The following UNC5D variants were observed in gnomAD, a reference collection of about 807,000 sequenced individuals.
The protein encoded by UNC5D is netrin receptor UNC5D.
In UNC5D, 39 loss-of-function variants were observed where a neutral mutation model predicts 105.4. That is an observed-to-expected ratio of 0.37 (90% CI 0.29 to 0.48). The LOEUF is 0.48. Ranked by LOEUF, UNC5D falls within the 20% of genes least tolerant of loss-of-function variation. The pLI, the probability that UNC5D is intolerant of heterozygous loss-of-function variation, is 0.98. For synonymous variants in UNC5D, 452 were observed against 450.4 expected (o/e 1.00, Z -0.04); for missense variants, 991 against 1,202.4 (o/e 0.82, Z 2.60).
At chr8:35,668,510 C>T (rs538239014) in intron 4 of UNC5D, among the ~76,000 whole-genome samples, 1 of 152,088 alleles carries the variant, frequency 6.6e-6, no homozygotes, top group South Asian at 2.1e-4. Context: ...GCAGTAAATC[C>T]TTCCTCATCC....
intron 1 of UNC5D, among the ~76,000 whole-genome samples, chr8:35,312,584 A>T (rs1312214955): frequency 1.3e-5 from 2 of 152,196 alleles, no homozygotes. Flanking sequence ...GGCAGTAAGG[A>T]TGGGCTTGTC....
At chr8:35,278,658 G>C (rs1238505325) in intron 1 of UNC5D, among the ~76,000 whole-genome samples, 1 of 151,898 alleles carries the variant, frequency 6.6e-6, no homozygotes, top group Non-Finnish European at 1.5e-5. Context: ...AGTATACATG[G>C]TGGAAGAGTA....
At chr8:35,601,582 A>G (rs1347692389) in intron 4 of UNC5D, among the ~76,000 whole-genome samples, 2 of 152,176 alleles carry the variant, frequency 1.3e-5, no homozygotes, top group Admixed American at 1.3e-4. Flanking sequence ...GAGTTCACTC[A>G]TGATTTGGCT....
chr8:35,507,820 T>C (rs1352689948), intron 1 of UNC5D, among the ~76,000 whole-genome samples: 1 of 152,200 alleles, frequency 6.6e-6, no homozygotes, highest in Non-Finnish European at 1.5e-5. Context: ...CCATTTTCTA[T>C]GATGTGATTA....
intron 3 of UNC5D, among the ~76,000 whole-genome samples, chr8:35,592,401 C>T (rs1310324659): frequency 1.3e-5 from 2 of 152,020 alleles, no homozygotes; most frequent in African/African-American, 4.8e-5. Flanking sequence ...AGGATGTTTT[C>T]CCTACTATTA....
At chr8:35,326,676 G>A (rs1031364579) in intron 1 of UNC5D, among the ~76,000 whole-genome samples, 5 of 152,124 alleles carry the variant, frequency 3.3e-5, no homozygotes, top group Admixed American at 2.6e-4. Context: ...TCACTCACAT[G>A]AGCCTAGGAG....
chr8:35,595,335 T>C (rs1160585648), intron 3 of UNC5D, among the ~76,000 whole-genome samples: 2 of 152,166 alleles, frequency 1.3e-5, no homozygotes, highest in Admixed American at 6.5e-5. Context: ...TTCACATCAA[T>C]ATAGGACATC....
At chr8:35,495,649 G>A (rs2130168212) in intron 1 of UNC5D, among the ~76,000 whole-genome samples, 1 of 152,016 alleles carries the variant, frequency 6.6e-6, no homozygotes, top group Non-Finnish European at 1.5e-5. Context: ...TTCCATTCTG[G>A]TGCCCCTGTC....
At chr8:35,498,361 T>C (rs1367063166) in intron 1 of UNC5D, among the ~76,000 whole-genome samples, 2 of 151,986 alleles carry the variant, frequency 1.3e-5, no homozygotes, top group African/African-American at 2.4e-5. Context: ...AAACCATCCT[T>C]CTGTGAAGAA....
At chr8:35,413,813 T>G (rs1028433478) in intron 1 of UNC5D, among the ~76,000 whole-genome samples, 7 of 152,098 alleles carry the variant, frequency 4.6e-5, no homozygotes, top group African/African-American at 1.7e-4. Flanking sequence ...ATCAATCTCT[T>G]AAGTGGGTAG....
At chr8:35,648,092 C>T (rs1254292266) in intron 4 of UNC5D, among the ~76,000 whole-genome samples, 2 of 152,138 alleles carry the variant, frequency 1.3e-5, no homozygotes, top group African/African-American at 4.8e-5. Context: ...CCTCTGCAAA[C>T]AGTGAATCAT....
intron 7 of UNC5D, among the ~76,000 whole-genome samples, chr8:35,686,999 T>C (rs1344159363): frequency 1.3e-5 from 2 of 152,240 alleles, no homozygotes; most frequent in Non-Finnish European, 2.9e-5. Context: ...TTCAGACTTT[T>C]AGAAGCTACC....
chr8:35,543,891 A>G (rs937859150), intron 1 of UNC5D, among the ~76,000 whole-genome samples: 4 of 152,166 alleles, frequency 2.6e-5, no homozygotes, highest in Admixed American at 6.5e-5. Flanking sequence ...GTGTTTTTAT[A>G]CCATCTTTTG....
intron 1 of UNC5D, among the ~76,000 whole-genome samples, chr8:35,290,670 C>G (rs1288547225): frequency 6.6e-6 from 1 of 151,966 alleles, no homozygotes; most frequent in Non-Finnish European, 1.5e-5. Flanking sequence ...GTGTGGAGGC[C>G]AGGCGCGGTG....
intron 7 of UNC5D, among the ~76,000 whole-genome samples, chr8:35,690,819 T>C (rs1586446000): frequency 6.6e-6 from 1 of 152,248 alleles, no homozygotes; most frequent in South Asian, 2.1e-4. Flanking sequence ...AACAGCTTTA[T>C]GGAGCAGTAG....
intron 8 of UNC5D, among the ~76,000 whole-genome samples, chr8:35,721,968 A>G (rs879108820): frequency 2.6e-5 from 4 of 152,240 alleles, no homozygotes; most frequent in Admixed American, 2.6e-4. Context: ...TCAAGAGTCT[A>G]TTACATGCTA....
At chr8:35,595,088 G>A (rs772342928) in intron 3 of UNC5D, among the ~76,000 whole-genome samples, 51 of 152,174 alleles carry the variant, frequency 3.4e-4, no homozygotes, top group Non-Finnish European at 7.2e-4. Flanking sequence ...CACTCTATTA[G>A]CATCTTCTAG....
intron 8 of UNC5D, 80 bp downstream of exon 8, chr8:35,706,041 A>G: frequency 1.1e-6 from 1 of 943,484 alleles, no homozygotes; most frequent in Non-Finnish European, 1.5e-6. Flanking sequence ...GGAGCTGAGC[A>G]GAATTGAAGT....
In UNC5D at chr8:35,794,892, C is replaced by T. The variant is rs1803196854; in HGVS notation, c.*4329C>T. Reference sequence around the variant, plus strand: ...AAGTAACAGGGGATGGAAATCAGACCTGGCCGTTAGTCACTAGTGTGTAGT... The same window carrying T: ...AAGTAACAGGGGATGGAAATCAGACTTGGCCGTTAGTCACTAGTGTGTAGT... On this transcript the variant is annotated 3_prime_UTR_variant, in exon 17 of 17. Coordinates refer to ENST00000404895, the MANE Select transcript of UNC5D (RefSeq NM_080872.4). 1 of 152,170 alleles carries T rather than the reference C, an allele frequency of 6.6e-6. No homozygotes were observed. Among genetic ancestry groups the T allele is most frequent in the Admixed American group, 6.6e-5 (1 of 15,258 alleles). The allele number at this position is 152,170 out of a possible 1,614,324, so 9.4% of individuals were successfully genotyped here.
Sources: allele counts gnomAD v4.1 joint callset (sites outside exome capture counted in the v4.1 genomes callset), GRCh38; gene constraint gnomAD v4.1.1; transcripts MANE v1.5; gene names NCBI Gene and HGNC (gene_info 2026-07-23, HGNC 2026-07-21).